Variants in ADARB2 observed in about 807,000 individuals in gnomAD.
ADARB2 encodes the protein inactive double-stranded RNA-specific editase B2.
Under a neutral mutation model 62.2 loss-of-function variants are expected in ADARB2, and 25 were observed. The observed-to-expected ratio is 0.40, with a 90% CI of 0.29 to 0.56. The LOEUF (loss-of-function observed/expected upper bound fraction) is 0.56, where lower values mean the gene tolerates loss of function less well. Among genes scored for constraint, ADARB2 ranks in the 20% least tolerant of loss-of-function variants. The pLI, the probability that ADARB2 is intolerant of heterozygous loss-of-function variation, is 0.43. For synonymous variants in ADARB2, 572 were observed against 500.8 expected, an observed-to-expected ratio of 1.14 and a Z score of -1.90; for missense variants, 1,071 against 1,077.4, an observed-to-expected ratio of 0.99 and a Z score of 0.08.
chr10:1,618,774 T>C (rs1261701420), intron 1 of ADARB2, among the ~76,000 whole-genome samples: 2 of 152,088 alleles, frequency 1.3e-5, no homozygotes, highest in Non-Finnish European at 2.9e-5. Context: ...AATAAAAGAG[T>C]ATTGTTTTGT....
intron 1 of ADARB2, among the ~76,000 whole-genome samples, chr10:1,584,019 G>A (rs2132002807): frequency 6.6e-6 from 1 of 152,234 alleles, no homozygotes; most frequent in South Asian, 2.1e-4. Context: ...AATGTAAAAT[G>A]CAAAGCTATA....
chr10:1,240,952 C>T (rs564378879), intron 5 of ADARB2, among the ~76,000 whole-genome samples: 5 of 152,330 alleles, frequency 3.3e-5, no homozygotes, highest in Middle Eastern at 3.4e-3. Flanking sequence ...CCTGTGGCTC[C>T]CTGCTCAGAG....
rs529159742 is a variant in ADARB2, at chr10:1,286,036, C to G, written c.1078-14967G>C. On this transcript the variant is annotated intron_variant, in intron 3 of 9. Transcript: ENST00000381312. Reference sequence around the variant, plus strand: ...GACCGTTGCCCCGAGTCCCCAGGCTCCTTTCCCCTTTGAACTTTGTTTCAC... The same window carrying G: ...GACCGTTGCCCCGAGTCCCCAGGCTGCTTTCCCCTTTGAACTTTGTTTCAC... Among the ~76,000 whole-genome samples, 384 of 150,990 alleles carry G rather than the reference C, an allele frequency of 2.5e-3. 1 individual carries two copies. Among genetic ancestry groups the G allele is most frequent in the South Asian group, 6.2e-3 (29 of 4,702 alleles).
intron 1 of ADARB2, among the ~76,000 whole-genome samples, chr10:1,498,590 A>C (rs556190762): frequency 2.0e-5 from 3 of 152,330 alleles, no homozygotes; most frequent in Admixed American, 6.5e-5. Flanking sequence ...TCATCCATCT[A>C]TGTTAGAATG....
At chr10:1,369,072 C>A (rs1230794236) in intron 2 of ADARB2, among the ~76,000 whole-genome samples, 1 of 152,200 alleles carries the variant, frequency 6.6e-6, no homozygotes, top group Non-Finnish European at 1.5e-5. Context: ...TGCATGTGAA[C>A]CACTCACAGC....
At chr10:1,241,320 A>T (rs896434667) in intron 5 of ADARB2, among the ~76,000 whole-genome samples, 8 of 152,220 alleles carry the variant, frequency 5.3e-5, no homozygotes, top group Admixed American at 1.3e-4. Flanking sequence ...GCTTAGGGCT[A>T]CACGTGGGCC....
intron 1 of ADARB2, among the ~76,000 whole-genome samples, chr10:1,732,300 A>T (rs1420007726): frequency 7.8e-6 from 1 of 128,608 alleles, no homozygotes; most frequent in South Asian, 2.7e-4. Flanking sequence ...GGCATAAGTT[A>T]TCTTTTCATG....
At chr10:1,496,805 A>T (rs1487491028) in intron 1 of ADARB2, among the ~76,000 whole-genome samples, 1 of 152,298 alleles carries the variant, frequency 6.6e-6, no homozygotes, top group East Asian at 1.9e-4. Flanking sequence ...CATCACCAAC[A>T]TTGTCATCAT....
chr10:1,549,029 G>C (rs949570397), intron 1 of ADARB2, among the ~76,000 whole-genome samples: 2 of 152,274 alleles, frequency 1.3e-5, no homozygotes, highest in South Asian at 4.2e-4. Flanking sequence ...CCAACTACAA[G>C]ATGCTAAAAG....
intron 3 of ADARB2, among the ~76,000 whole-genome samples, chr10:1,281,980 T>C (rs1274448913): frequency 2.6e-5 from 4 of 152,268 alleles, no homozygotes; most frequent in Non-Finnish European, 5.9e-5. Flanking sequence ...AGATTTGTAG[T>C]AAGCTGGTTA....
At chr10:1,241,373 G>A (rs1830921046) in intron 5 of ADARB2, among the ~76,000 whole-genome samples, 2 of 152,224 alleles carry the variant, frequency 1.3e-5, no homozygotes, top group African/African-American at 4.8e-5. Flanking sequence ...TGGGCATGGA[G>A]ATGACCCTTG....
intron 7 of ADARB2, chr10:1,216,415 C>G: frequency 6.3e-6 from 1 of 158,044 alleles, no homozygotes; most frequent in Non-Finnish European, 1.4e-5. Flanking sequence ...CTCCTCTGCA[C>G]AGAGCTCAGC....
At chr10:1,217,648 C>T (rs991069270) in intron 6 of ADARB2, among the ~76,000 whole-genome samples, 1 of 152,202 alleles carries the variant, frequency 6.6e-6, no homozygotes, top group Admixed American at 6.5e-5. Context: ...GTCCCGGCTC[C>T]ATGGTAAGCT....
chr10:1,596,332 G>A (rs7090242), intron 1 of ADARB2, among the ~76,000 whole-genome samples: 59,966 of 152,116 alleles, frequency 0.39, 12,674 homozygotes, highest in Non-Finnish European at 0.47. Context: ...TTGTTTAGGA[G>A]TAAAATGGCT....
At chr10:1,228,217 C>A (rs937594388) in intron 6 of ADARB2, among the ~76,000 whole-genome samples, 1 of 152,166 alleles carries the variant, frequency 6.6e-6, no homozygotes, top group African/African-American at 2.4e-5. Flanking sequence ...TTTTTCTTGG[C>A]ATTTTCTGGA....
intron 3 of ADARB2, among the ~76,000 whole-genome samples, chr10:1,317,398 A>C (rs1182155978): frequency 6.6e-6 from 1 of 152,204 alleles, no homozygotes; most frequent in Non-Finnish European, 1.5e-5. Context: ...GGCATAGTCG[A>C]TTGTCTTCGT....
In ADARB2 at chr10:1,460,829, G is replaced by A. The variant is rs112868394; in HGVS notation, c.101-81669C>T. On this transcript the variant is annotated intron_variant, in intron 1 of 9. Coordinates refer to ENST00000381312, the MANE Select transcript of ADARB2 (RefSeq NM_018702.4). ...TCTGTGACCTGAGTTTACCTGTGTAGCAAACCTGCCTGTGACCTGAGTTTA... is the reference window on the plus strand; with the variant it reads ...TCTGTGACCTGAGTTTACCTGTGTAACAAACCTGCCTGTGACCTGAGTTTA... Among the ~76,000 whole-genome samples the A allele has an allele frequency of 1.5e-3, 94 of 61,222 alleles. 12 individuals are homozygous for A. The highest frequency in any genetic ancestry group is 3.8e-3 in the African/African-American group (39 of 10,248). The allele number at this position is 61,222 out of a possible 152,430, so 40.2% of individuals were successfully genotyped here.
At chr10:1,634,779 A>C (rs1833892966) in intron 1 of ADARB2, among the ~76,000 whole-genome samples, 1 of 152,250 alleles carries the variant, frequency 6.6e-6, no homozygotes, top group East Asian at 1.9e-4. Context: ...CAGAACAACC[A>C]ACACTGGTTA....
intron 1 of ADARB2, among the ~76,000 whole-genome samples, chr10:1,385,514 G>A (rs1832518228): frequency 6.6e-6 from 1 of 151,994 alleles, no homozygotes; most frequent in African/African-American, 2.4e-5. Context: ...TTACTGGATG[G>A]GTTTCACATT....
Sources: allele counts gnomAD v4.1 joint callset (sites outside exome capture counted in the v4.1 genomes callset), GRCh38; gene constraint gnomAD v4.1.1; transcripts MANE v1.5; gene names NCBI Gene and HGNC (gene_info 2026-07-23, HGNC 2026-07-21).